RAPGEF1: variants seen among roughly 807,000 people sequenced by gnomAD.
The protein encoded by RAPGEF1 is CRK SH3-binding GNRP.
In RAPGEF1, 33 loss-of-function variants were observed where a neutral mutation model predicts 143.3. The ratio of observed to expected loss-of-function variants is 0.23; its 90% confidence interval spans 0.17 to 0.31. The LOEUF (loss-of-function observed/expected upper bound fraction) is 0.31. RAPGEF1 is among the 10% of genes least tolerant of loss of function. RAPGEF1 has a pLI of 1.00. For missense variants in RAPGEF1, 1,199 were observed against 1,645.4 expected (o/e 0.73, Z 4.69); for synonymous variants, 629 against 676.5 (o/e 0.93, Z 1.09).
chr9:131,668,154 G>T (rs1017504499), intron 1 of RAPGEF1, among the ~76,000 whole-genome samples: 27 of 152,144 alleles, frequency 1.8e-4, no homozygotes, highest in African/African-American at 6.5e-4. Context: ...TGTCCAGGGA[G>T]CCCCTCCCTT....
At chr9:131,683,360 C>A (rs1186774499) in intron 1 of RAPGEF1, among the ~76,000 whole-genome samples, 1 of 152,210 alleles carries the variant, frequency 6.6e-6, no homozygotes, top group Non-Finnish European at 1.5e-5. Flanking sequence ...TGGGCACATA[C>A]TTCCTCCAAC....
Position 131,688,823 on chromosome 9 carries a change from G to A in RAPGEF1, c.62-37874C>T, listed in dbSNP as rs534702525. 6.6e-5 allele frequency among the ~76,000 whole-genome samples: 10 copies of A among 152,298 alleles called. No individual in the cohort carries two copies. In the East Asian group the frequency reaches 9.7e-4, roughly 15 times the overall value. On this transcript the variant is annotated intron_variant, in intron 1 of 26. Coordinates refer to ENST00000683357, the MANE Select transcript of RAPGEF1 (RefSeq NM_001377935.1). ...TGAGGCAGGAGAATCACTCGAACCC[G>A]GGAGGTGGAGGTTGCAGTGAGCCAA... is the stretch of plus-strand genomic sequence containing the variant.
At position 131,641,294 on chromosome 9, in the gene RAPGEF1, A is replaced by G. The variant is rs956435469; in HGVS notation, c.494+1945T>C. Among the ~76,000 whole-genome samples the G allele has an allele frequency of 3.3e-5, 5 of 152,062 alleles. No homozygotes were observed. Among genetic ancestry groups the G allele is most frequent in the Non-Finnish European group, 5.9e-5 (4 of 67,992 alleles). ...TCTTCCCACTGTTCCCCTCTCGTCC[A>G]TGCTCTAGGACATATACCCTCTGCC... On this transcript the variant is annotated intron_variant, in intron 4 of 26. Transcript: ENST00000683357. This position sits in a 1 kb window ranked among gnomAD's most constrained non-coding sequence, Gnocchi z 4.6.
intron 12 of RAPGEF1, among the ~76,000 whole-genome samples, chr9:131,609,935 C>T (rs1028245415): frequency 9.9e-5 from 15 of 152,160 alleles, no homozygotes; most frequent in African/African-American, 3.6e-4. Context: ...CTCGCTCTGT[C>T]ACCCAGGTTG....
intron 1 of RAPGEF1, among the ~76,000 whole-genome samples, chr9:131,729,253 A>G (rs999618909): frequency 1.3e-4 from 20 of 149,234 alleles, no homozygotes. Flanking sequence ...GTGGTGGCTG[A>G]CTGTCAGTTC....
intron 11 of RAPGEF1, among the ~76,000 whole-genome samples, chr9:131,620,894 C>T (rs374784800): frequency 1.1e-4 from 17 of 152,192 alleles, no homozygotes; most frequent in African/African-American, 4.1e-4. Context: ...GCCCAGTGCA[C>T]ACCAGTCGCC....
chr9:131,620,801 AGGG>A (rs1960706401), intron 11 of RAPGEF1, among the ~76,000 whole-genome samples: 1 of 152,230 alleles, frequency 6.6e-6, no homozygotes, highest in South Asian at 2.1e-4. Flanking sequence ...GGAGTAATCC[AGGG>A]ACATTTGTCC....
At chr9:131,653,745 A>T (rs1476438294) in intron 1 of RAPGEF1, among the ~76,000 whole-genome samples, 1 of 152,224 alleles carries the variant, frequency 6.6e-6, no homozygotes, top group Non-Finnish European at 1.5e-5. Context: ...CAGAGTTGAC[A>T]TGTGACCCAG....
intron 1 of RAPGEF1, among the ~76,000 whole-genome samples, chr9:131,687,954 A>G (rs1241502425): frequency 6.6e-6 from 1 of 152,218 alleles, no homozygotes; most frequent in Non-Finnish European, 1.5e-5. Flanking sequence ...GATACACAGC[A>G]TAGCAATTCT....
intron 1 of RAPGEF1, among the ~76,000 whole-genome samples, chr9:131,679,777 G>A (rs1381457027): frequency 2.6e-5 from 4 of 152,220 alleles, no homozygotes; most frequent in Non-Finnish European, 5.9e-5. Context: ...GGAGCTGTAG[G>A]ACTAAGGTCC....
chr9:131,708,316 C>T (rs1835232956), intron 1 of RAPGEF1, among the ~76,000 whole-genome samples: 1 of 152,226 alleles, frequency 6.6e-6, no homozygotes, highest in South Asian at 2.1e-4. Flanking sequence ...GGTGAAGTCT[C>T]GCATATGTCA....
chr9:131,621,679 A>T lies in RAPGEF1; in HGVS notation c.1905+117T>A. Reference sequence around the variant, plus strand: ...GGAGATGGTGCCTTCCACGCCCAAAACCAGGGCCCTGCCACAGCAGGGAGG... The same window carrying T: ...GGAGATGGTGCCTTCCACGCCCAAATCCAGGGCCCTGCCACAGCAGGGAGG... On this transcript the variant is annotated intron_variant, in intron 11 of 26. Coordinates refer to ENST00000683357, the MANE Select transcript of RAPGEF1 (RefSeq NM_001377935.1). This position sits in a 1 kb window ranked among gnomAD's most constrained non-coding sequence, Gnocchi z 4.5. The T allele has an allele frequency of 9.1e-7, 1 of 1,104,680 alleles. No homozygotes were observed. The highest frequency in any genetic ancestry group is 1.5e-5 in the South Asian group (1 of 68,356). The allele number at this position is 1,104,680 out of a possible 1,614,324, so 68.4% of individuals were successfully genotyped here.
intron 3 of RAPGEF1, among the ~76,000 whole-genome samples, chr9:131,647,021 G>A (rs1969839296): frequency 2.6e-5 from 4 of 152,062 alleles, no homozygotes; most frequent in Non-Finnish European, 4.4e-5. Flanking sequence ...TCAGAGATGG[G>A]GCATTAACAC....
chr9:131,617,659 C>G (rs1205657378), intron 12 of RAPGEF1, among the ~76,000 whole-genome samples: 5 of 152,202 alleles, frequency 3.3e-5, no homozygotes, highest in African/African-American at 1.2e-4. Flanking sequence ...ACAATGAGAG[C>G]AAGAACAGTA....
At chr9:131,627,200 T>A (rs1963398179) in intron 9 of RAPGEF1, among the ~76,000 whole-genome samples, 1 of 115,620 alleles carries the variant, frequency 8.6e-6, no homozygotes, top group African/African-American at 3.8e-5. Context: ...GGTGACAGAG[T>A]GAGGCTCTGT....
At chr9:131,604,461 C>T (rs1270261902) in intron 13 of RAPGEF1, among the ~76,000 whole-genome samples, 2 of 152,242 alleles carry the variant, frequency 1.3e-5, no homozygotes, top group Admixed American at 6.5e-5. Context: ...GCGCTACAGG[C>T]ACTTTAACAG....
intron 12 of RAPGEF1, among the ~76,000 whole-genome samples, chr9:131,609,669 T>C (rs1957705793): frequency 6.6e-6 from 1 of 151,922 alleles, no homozygotes; most frequent in Non-Finnish European, 1.5e-5. Context: ...GGCCCCGGAG[T>C]CGAAACGATG....
At chr9:131,681,671 C>T (rs746538990) in intron 1 of RAPGEF1, among the ~76,000 whole-genome samples, 8 of 152,148 alleles carry the variant, frequency 5.3e-5, no homozygotes, top group Non-Finnish European at 8.8e-5. Flanking sequence ...GGCCCAACCT[C>T]GAATTAATAT....
intron 1 of RAPGEF1, among the ~76,000 whole-genome samples, chr9:131,733,198 T>A (rs1287168273): frequency 1.3e-5 from 2 of 151,982 alleles, no homozygotes; most frequent in Non-Finnish European, 2.9e-5. Flanking sequence ...CTAATGGCCT[T>A]CTTATGTATA....
Sources: gnomAD v4.1 joint callset for allele counts (sites outside exome capture counted in the v4.1 genomes callset) on GRCh38, gnomAD v4.1.1 for gene constraint, Gnocchi (gnomAD v3.1) non-coding constraint, MANE v1.5 for transcripts, NCBI Gene and HGNC (gene_info 2026-07-23, HGNC 2026-07-21) for gene names.